Variants in GRIP1 observed in about 807,000 individuals in gnomAD.
The protein encoded by GRIP1 is glutamate receptor interacting protein 1.
Under a neutral mutation model 129.9 loss-of-function variants are expected in GRIP1, and 45 were observed. The ratio of observed to expected loss-of-function variants is 0.35; its 90% CI spans 0.27 to 0.44. GRIP1 has a LOEUF of 0.44. GRIP1 is among the 20% of genes least tolerant of loss of function. The pLI is 1.00. For missense variants in GRIP1, 1,196 were observed against 1,396.8 expected (o/e 0.86, Z 2.29); for synonymous variants, 530 against 520.8 (o/e 1.02, Z -0.24).
intron 1 of GRIP1, among the ~76,000 whole-genome samples, chr12:66,955,394 A>C (rs2041823702): frequency 6.6e-6 from 1 of 152,082 alleles, no homozygotes; most frequent in South Asian, 2.1e-4. Flanking sequence ...TCTCATTTAA[A>C]TTATATACTT....
chr12:66,593,616 C>T lies in GRIP1; in HGVS notation c.136+3231G>A, dbSNP rs188592607. 1.7e-3 allele frequency among the ~76,000 whole-genome samples: 252 copies of T among 152,286 alleles called. 4 individuals carry two copies. The South Asian group carries it at 0.018, about 11-fold the overall frequency. On this transcript the variant is annotated intron_variant, in intron 2 of 24. Transcript: ENST00000359742. ...ATATCATAAAACTTAGATAGAGAAGCTTAAGGTGCCTTCTGCTACTTTACA... is the reference window on the plus strand; with the variant it reads ...ATATCATAAAACTTAGATAGAGAAGTTTAAGGTGCCTTCTGCTACTTTACA...
chr12:66,897,266 T>C (rs2137254853), intron 1 of GRIP1, among the ~76,000 whole-genome samples: 1 of 152,220 alleles, frequency 6.6e-6, no homozygotes, highest in South Asian at 2.1e-4. Context: ...TCACTGAAAG[T>C]GCCCTAAAGC....
intron 1 of GRIP1, among the ~76,000 whole-genome samples, chr12:66,800,056 A>C (rs1490437318): frequency 6.6e-6 from 1 of 152,210 alleles, no homozygotes; most frequent in Admixed American, 6.5e-5. Context: ...TAATTTAGCT[A>C]ACAATGATTT....
At chr12:66,946,610 G>A (rs548797369) in intron 1 of GRIP1, among the ~76,000 whole-genome samples, 2 of 151,872 alleles carry the variant, frequency 1.3e-5, no homozygotes, top group East Asian at 3.9e-4. Flanking sequence ...ACAGATTGCA[G>A]GGCCCCCTTG....
At chr12:67,009,170 C>T (rs1475011623) in intron 1 of GRIP1, among the ~76,000 whole-genome samples, 1 of 152,002 alleles carries the variant, frequency 6.6e-6, no homozygotes, top group Non-Finnish European at 1.5e-5. Flanking sequence ...TCTTGTGTCC[C>T]CCAACTGAAT....
intron 17 of GRIP1, among the ~76,000 whole-genome samples, chr12:66,393,622 G>A (rs1007664685): frequency 2.0e-5 from 3 of 152,154 alleles, no homozygotes; most frequent in African/African-American, 7.2e-5. Flanking sequence ...TGCTTATAGG[G>A]TTTGTTATAT....
At chr12:66,923,595 T>C (rs1017895320) in intron 1 of GRIP1, among the ~76,000 whole-genome samples, 28 of 152,148 alleles carry the variant, frequency 1.8e-4, no homozygotes, top group African/African-American at 6.8e-4. Flanking sequence ...AATCATCAGA[T>C]AAAGGCTGCC....
chr12:66,737,641 C>T (rs73327077), intron 1 of GRIP1, among the ~76,000 whole-genome samples: 7,834 of 152,184 alleles, frequency 0.051, 526 homozygotes, highest in African/African-American at 0.15. Flanking sequence ...TCCTCTTCCT[C>T]GAACTCAGTA....
In GRIP1 at chr12:66,507,500, T is replaced by C. The variant is rs142277595; in HGVS notation, c.724+8119A>G. Among the ~76,000 whole-genome samples the C allele has an allele frequency of 3.7e-3, 567 of 151,770 alleles. 4 individuals are homozygous for C. The highest frequency in any genetic ancestry group is 0.013 in the African/African-American group (543 of 41,354). On this transcript the variant is annotated intron_variant, in intron 7 of 24. Coordinates refer to ENST00000359742, the MANE Select transcript of GRIP1 (RefSeq NM_001366722.1). ...ATAGTGGCTAATTTACTCTTGCGAC[T>C]GGTAGAAGTTTTATATCTTGATATC...
intron 1 of GRIP1, among the ~76,000 whole-genome samples, chr12:66,883,848 A>T (rs779062426): frequency 6.6e-6 from 1 of 152,214 alleles, no homozygotes; most frequent in Admixed American, 6.5e-5. Context: ...TTCAACTTCT[A>T]TAAATTTCTG....
chr12:66,951,458 G>T (rs2041756133), intron 1 of GRIP1, among the ~76,000 whole-genome samples: 1 of 152,148 alleles, frequency 6.6e-6, no homozygotes, highest in African/African-American at 2.4e-5. Flanking sequence ...CTGTAACAGA[G>T]ACCATGGGGA....
At chr12:66,881,618 G>A (rs1234792842) in intron 1 of GRIP1, among the ~76,000 whole-genome samples, 1 of 152,006 alleles carries the variant, frequency 6.6e-6, no homozygotes, top group African/African-American at 2.4e-5. Context: ...AAGGATTGCA[G>A]AAATGAAACT....
intron 1 of GRIP1, among the ~76,000 whole-genome samples, chr12:66,727,314 T>C (rs2036287404): frequency 1.3e-5 from 2 of 152,226 alleles, no homozygotes; most frequent in African/African-American, 2.4e-5. Flanking sequence ...CCCTGCCTTG[T>C]TGACTTTGGC....
intron 4 of GRIP1, among the ~76,000 whole-genome samples, chr12:66,535,949 T>C (rs2061592717): frequency 6.6e-6 from 1 of 152,200 alleles, no homozygotes; most frequent in Non-Finnish European, 1.5e-5. Context: ...AAATGTAGTA[T>C]TTCAAGCCAT....
At chr12:66,566,759 TCCA>T (rs1254822688) in intron 2 of GRIP1, among the ~76,000 whole-genome samples, 1 of 152,122 alleles carries the variant, frequency 6.6e-6, no homozygotes, top group Non-Finnish European at 1.5e-5. Context: ...CCAAAAAAAA[TCCA>T]GGACTTTTTT....
chr12:66,470,847 C>G (rs1404853184), intron 7 of GRIP1, among the ~76,000 whole-genome samples: 1 of 152,218 alleles, frequency 6.6e-6, no homozygotes, highest in East Asian at 1.9e-4. Flanking sequence ...CCATACCCTA[C>G]TAAGCCTGAA....
chr12:66,377,330 T>A lies in GRIP1; in HGVS notation c.2622-45A>T, dbSNP rs773614066. On this transcript the variant is annotated intron_variant, in intron 20 of 24. Coordinates refer to ENST00000359742, the MANE Select transcript of GRIP1 (RefSeq NM_001366722.1). ...GCTGGGTTAGGAACTTGCCAGACAT[T>A]TTTTTTTTTTTTTTTGAGACGGAGT... 148 of 558,794 alleles carry A rather than the reference T, an allele frequency of 2.6e-4. 1 individual carries two copies. The highest frequency in any genetic ancestry group is 3.2e-4 in the Non-Finnish European group (127 of 391,786). The allele number at this position is 558,794 out of a possible 1,614,324, so 34.6% of individuals were successfully genotyped here. A position where few individuals can be genotyped will look rare whatever the true frequency, so the allele number is the denominator to read the frequency against.
At chr12:67,059,804 T>C (rs917004909) in intron 1 of GRIP1, among the ~76,000 whole-genome samples, 3 of 152,182 alleles carry the variant, frequency 2.0e-5, no homozygotes, top group African/African-American at 7.2e-5. Flanking sequence ...ACCAGTACTA[T>C]TCAAAATGTG....
intron 1 of GRIP1, among the ~76,000 whole-genome samples, chr12:66,941,908 A>G (rs1485961819): frequency 6.6e-6 from 1 of 152,198 alleles, no homozygotes; most frequent in Non-Finnish European, 1.5e-5. Flanking sequence ...CCAATCGCAC[A>G]GCAAACATTT....
Sources: allele counts gnomAD v4.1 joint callset (sites outside exome capture counted in the v4.1 genomes callset), GRCh38; gene constraint gnomAD v4.1.1; transcripts MANE v1.5; gene names NCBI Gene and HGNC (gene_info 2026-07-23, HGNC 2026-07-21).